The following RAPGEF6 variants were observed in gnomAD, a reference collection of about 807,000 sequenced individuals.
RAPGEF6 encodes the protein Rap guanine nucleotide exchange factor 6.
Under a neutral mutation model 171.4 loss-of-function variants are expected in RAPGEF6, and 56 were observed. The ratio of observed to expected loss-of-function variants is 0.33; its 90% CI spans 0.26 to 0.41. RAPGEF6 has a LOEUF of 0.41. Among genes scored for constraint, RAPGEF6 ranks in the 10% least tolerant of loss-of-function variants. The probability of loss-of-function intolerance (pLI) is 1.00; values close to 1 mark genes in which losing one functional copy is unlikely to be tolerated. For missense variants in RAPGEF6, 1,674 were observed against 1,921.4 expected, an observed-to-expected ratio of 0.87 and a Z score of 2.41; for synonymous variants, 692 against 650.1, an observed-to-expected ratio of 1.06 and a Z score of -0.98.
In RAPGEF6 at chr5:131,481,310, G is replaced by A. The variant is rs559215460; in HGVS notation, c.1841-1557C>T. Among the ~76,000 whole-genome samples the A allele has an allele frequency of 2.6e-5, 4 of 151,826 alleles. No homozygotes were observed. The South Asian group carries it at 8.3e-4, about 32-fold the overall frequency. On this transcript the variant is annotated intron_variant, in intron 15 of 27. Coordinates refer to ENST00000509018, the MANE Select transcript of RAPGEF6 (RefSeq NM_016340.6). ...GTGTGATCAGGGCTCACTGCAGCCT[G>A]GACCTCCCTAAGCTCAGGTGATCCT...
chr5:131,603,878 T>C (rs1764394415), intron 2 of RAPGEF6, among the ~76,000 whole-genome samples: 1 of 152,004 alleles, frequency 6.6e-6, no homozygotes, highest in African/African-American at 2.4e-5. Flanking sequence ...ATCTGGTCAA[T>C]AACCAGAAAC....
intron 3 of RAPGEF6, among the ~76,000 whole-genome samples, chr5:131,600,050 T>A (rs1764136234): frequency 6.6e-6 from 1 of 151,916 alleles, no homozygotes; most frequent in Non-Finnish European, 1.5e-5. Flanking sequence ...TTTCCCGCAT[T>A]TTTTTTTGTT....
At chr5:131,455,704 A>C in intron 20 of RAPGEF6, 97 bp downstream of exon 20, 2 of 1,049,804 alleles carry the variant, frequency 1.9e-6, no homozygotes. Flanking sequence ...ATAGTTACCA[A>C]ATTAATAGAA....
chr5:131,446,931 CCT>C (rs1752757768), intron 21 of RAPGEF6: 2 of 474,176 alleles, frequency 4.2e-6, no homozygotes, highest in Non-Finnish European at 7.6e-6. Context: ...ACAATGGCCC[CCT>C]GAGTGGCATA....
At chr5:131,619,472 A>T (rs1029904804) in intron 1 of RAPGEF6, among the ~76,000 whole-genome samples, 10 of 152,218 alleles carry the variant, frequency 6.6e-5, no homozygotes, top group African/African-American at 2.2e-4. Flanking sequence ...GTATAATTTT[A>T]AAAAATTACA....
At chr5:131,460,449 C>G (rs776958840) in intron 19 of RAPGEF6, among the ~76,000 whole-genome samples, 24 of 152,114 alleles carry the variant, frequency 1.6e-4, no homozygotes, top group Admixed American at 4.6e-4. Flanking sequence ...AATCAATTTT[C>G]TTCATAGTGG....
intron 19 of RAPGEF6, among the ~76,000 whole-genome samples, chr5:131,460,555 A>C (rs1022460941): frequency 9.9e-5 from 15 of 152,190 alleles, no homozygotes; most frequent in Non-Finnish European, 1.8e-4. Context: ...TATCAGTGGC[A>C]TCTTTATTCC....
At position 131,603,517 on chromosome 5, in the gene RAPGEF6, T is replaced by C. The variant is rs540097140; in HGVS notation, c.141-190A>G. Among the ~76,000 whole-genome samples, 7 of 152,118 alleles carry C rather than the reference T, an allele frequency of 4.6e-5. No individual in the cohort carries two copies. In the South Asian group the frequency reaches 1.4e-3, roughly 31 times the overall value. On this transcript the variant is annotated intron_variant, in intron 2 of 27. Coordinates refer to ENST00000509018, the MANE Select transcript of RAPGEF6 (RefSeq NM_016340.6). ...TATATATATACATAATGCAATAATA[T>C]AGGTAATATTCAGTGGCATCAACCT...
intron 8 of RAPGEF6, among the ~76,000 whole-genome samples, chr5:131,509,824 T>C (rs1211830410): frequency 2.6e-5 from 4 of 152,234 alleles, no homozygotes; most frequent in Non-Finnish European, 5.9e-5. Context: ...CATTCTATAC[T>C]GTATCAGAGT....
chr5:131,474,708 C>T (rs1754981856), intron 16 of RAPGEF6, among the ~76,000 whole-genome samples: 1 of 151,904 alleles, frequency 6.6e-6, no homozygotes, highest in Non-Finnish European at 1.5e-5. Context: ...GTTAAATGTT[C>T]TAAGGTTAGG....
At chr5:131,576,039 A>T (rs11744232) in intron 4 of RAPGEF6, among the ~76,000 whole-genome samples, 3 of 151,974 alleles carry the variant, frequency 2.0e-5, no homozygotes, top group Non-Finnish European at 4.4e-5. Flanking sequence ...CGTACTCACT[A>T]TTCATTGAAA....
intron 27 of RAPGEF6, among the ~76,000 whole-genome samples, chr5:131,427,653 C>A (rs1279540173): frequency 6.6e-6 from 1 of 152,176 alleles, no homozygotes; most frequent in African/African-American, 2.4e-5. Flanking sequence ...ATTTGAAACA[C>A]AGTTTCAAGT....
chr5:131,509,343 A>G (rs1757568659), intron 8 of RAPGEF6, among the ~76,000 whole-genome samples: 1 of 152,144 alleles, frequency 6.6e-6, no homozygotes, highest in African/African-American at 2.4e-5. Flanking sequence ...GGAGATCGAG[A>G]CCATCCTGGC....
chr5:131,619,630 T>A (rs1266653381), intron 1 of RAPGEF6, among the ~76,000 whole-genome samples: 1 of 152,224 alleles, frequency 6.6e-6, no homozygotes, highest in Non-Finnish European at 1.5e-5. Context: ...CACTTCACTT[T>A]TCTGATCCTA....
intron 17 of RAPGEF6, 175 bp downstream of exon 17, chr5:131,472,412 G>C (rs1754807902): frequency 5.1e-6 from 4 of 778,904 alleles, no homozygotes; most frequent in Non-Finnish European, 8.8e-6. Context: ...TCACTTTAGA[G>C]GAAGTACCAT....
At chr5:131,573,477 T>A (rs1762428359) in intron 4 of RAPGEF6, among the ~76,000 whole-genome samples, 1 of 151,966 alleles carries the variant, frequency 6.6e-6, no homozygotes, top group East Asian at 1.9e-4. Flanking sequence ...ATGGAGTCAC[T>A]CCATTTAAAT....
intron 21 of RAPGEF6, among the ~76,000 whole-genome samples, chr5:131,452,772 T>C (rs912274728): frequency 6.6e-6 from 1 of 152,138 alleles, no homozygotes; most frequent in Non-Finnish European, 1.5e-5. Flanking sequence ...GGCCTGCTGA[T>C]GTTTTAAAGA....
At chr5:131,441,940 C>A (rs990514856) in intron 23 of RAPGEF6, among the ~76,000 whole-genome samples, 4 of 152,132 alleles carry the variant, frequency 2.6e-5, no homozygotes, top group Non-Finnish European at 4.4e-5. Flanking sequence ...TCTCTTGTTT[C>A]CCAACCACGT....
intron 15 of RAPGEF6, 24 bp downstream of exon 15, chr5:131,489,522 G>T: frequency 7.3e-7 from 1 of 1,368,992 alleles, no homozygotes; most frequent in Non-Finnish European, 1.0e-6. Flanking sequence ...AAAGAGTTCA[G>T]GCAATTTTTA....
Sources: allele counts gnomAD v4.1 joint callset (sites outside exome capture counted in the v4.1 genomes callset), GRCh38; gene constraint gnomAD v4.1.1; transcripts MANE v1.5; gene names NCBI Gene and HGNC (gene_info 2026-07-23, HGNC 2026-07-21).